Variants in MACROD2 observed in about 807,000 individuals in gnomAD.
MACROD2 encodes the protein mono-ADP ribosylhydrolase 2.
A neutral mutation model predicts 70.4 loss-of-function variants in MACROD2; 36 were observed. The observed-to-expected ratio is 0.51, with a 90% CI of 0.39 to 0.68. MACROD2 has a LOEUF of 0.68. MACROD2 is among the 30% of genes least tolerant of loss of function. The probability of loss-of-function intolerance (pLI) is 0.00; values close to 1 mark genes in which losing one functional copy is unlikely to be tolerated. For synonymous variants in MACROD2, 172 were observed against 178.8 expected, an observed-to-expected ratio of 0.96 and a Z score of 0.30; for missense variants, 496 against 538.4, an observed-to-expected ratio of 0.92 and a Z score of 0.78.
chr20:14,270,426 C>G (rs2082182099), intron 3 of MACROD2, among the ~76,000 whole-genome samples: 1 of 152,030 alleles, frequency 6.6e-6, no homozygotes, highest in Non-Finnish European at 1.5e-5. Flanking sequence ...CCTGTCTCTA[C>G]TAAAACACAA....
At chr20:14,736,037 A>G (rs536573720) in intron 5 of MACROD2, among the ~76,000 whole-genome samples, 1 of 152,308 alleles carries the variant, frequency 6.6e-6, no homozygotes, top group South Asian at 2.1e-4. Context: ...TGTTTATAGC[A>G]GCAATATTCA....
intron 4 of MACROD2, among the ~76,000 whole-genome samples, chr20:14,505,713 T>C (rs950590877): frequency 6.6e-6 from 1 of 152,160 alleles, no homozygotes; most frequent in Non-Finnish European, 1.5e-5. Flanking sequence ...TTCTAACAAG[T>C]TCCGTTTTAA....
At chr20:15,138,389 C>T (rs950017749) in intron 5 of MACROD2, among the ~76,000 whole-genome samples, 2 of 152,076 alleles carry the variant, frequency 1.3e-5, no homozygotes, top group African/African-American at 4.8e-5. Context: ...AGAATTTATG[C>T]ATGTGAAATG....
At chr20:15,292,328 C>T (rs980833046) in intron 6 of MACROD2, among the ~76,000 whole-genome samples, 19 of 152,170 alleles carry the variant, frequency 1.2e-4, no homozygotes, top group Non-Finnish European at 2.1e-4. Flanking sequence ...GCCACTCATG[C>T]AGTTACTGTG....
intron 5 of MACROD2, among the ~76,000 whole-genome samples, chr20:14,768,580 A>G (rs2072122574): frequency 6.6e-6 from 1 of 151,796 alleles, no homozygotes; most frequent in South Asian, 2.1e-4. Context: ...CAGCCTTCCA[A>G]AGCACTGGGA....
At chr20:14,858,935 AT>A (rs1488534329) in intron 5 of MACROD2, among the ~76,000 whole-genome samples, 1 of 152,144 alleles carries the variant, frequency 6.6e-6, no homozygotes, top group Non-Finnish European at 1.5e-5. Flanking sequence ...TGAAGTACTA[AT>A]TTAAAGAAAT....
chr20:15,546,136 T>G lies in MACROD2; in HGVS notation c.645+46289T>G, dbSNP rs150238744. Among the ~76,000 whole-genome samples, 582 of 152,206 alleles carry G rather than the reference T, an allele frequency of 3.8e-3. 2 individuals are homozygous for G. Among genetic ancestry groups the G allele is most frequent in the African/African-American group, 0.013 (554 of 41,514 alleles). On this transcript the variant is annotated intron_variant, in intron 8 of 17. Coordinates refer to ENST00000684519, the MANE Select transcript of MACROD2 (RefSeq NM_001351661.2). ...GATGCATGCCTGCAATCTCAGCTAC[T>G]TGGGAGGCTGAGGCAGGAGAATTGC... is the stretch of plus-strand genomic sequence containing the variant.
At chr20:15,126,415 A>C (rs2076067492) in intron 5 of MACROD2, among the ~76,000 whole-genome samples, 1 of 152,038 alleles carries the variant, frequency 6.6e-6, no homozygotes, top group East Asian at 1.9e-4. Flanking sequence ...TTTATTCTTT[A>C]GTTTAGAAAG....
At chr20:14,153,288 T>C (rs1213475198) in intron 3 of MACROD2, among the ~76,000 whole-genome samples, 5 of 152,152 alleles carry the variant, frequency 3.3e-5, no homozygotes, top group African/African-American at 1.2e-4. Flanking sequence ...GGCAGGAGTA[T>C]ATATAGAGAA....
chr20:14,887,274 C>T (rs1240462208), intron 5 of MACROD2, among the ~76,000 whole-genome samples: 1 of 152,034 alleles, frequency 6.6e-6, no homozygotes, highest in Non-Finnish European at 1.5e-5. Flanking sequence ...CTACACAAAT[C>T]AAGAGCGGTA....
At chr20:14,169,574 G>A (rs377131108) in intron 3 of MACROD2, among the ~76,000 whole-genome samples, 1 of 152,118 alleles carries the variant, frequency 6.6e-6, no homozygotes, top group South Asian at 2.1e-4. Context: ...AAAGTGCTGG[G>A]ATTACAGGTG....
chr20:14,355,939 G>A (rs145044664), intron 3 of MACROD2, among the ~76,000 whole-genome samples: 1 of 152,192 alleles, frequency 6.6e-6, no homozygotes, highest in African/African-American at 2.4e-5. Context: ...TGTCTTTCCC[G>A]ATAGAAAGAG....
intron 6 of MACROD2, among the ~76,000 whole-genome samples, chr20:15,281,835 C>T (rs2077447672): frequency 6.6e-6 from 1 of 152,224 alleles, no homozygotes; most frequent in Non-Finnish European, 1.5e-5. Flanking sequence ...TCTGGAGACT[C>T]TAACCCCACA....
intron 2 of MACROD2, among the ~76,000 whole-genome samples, chr20:14,060,699 T>C (rs779780547): frequency 3.3e-5 from 5 of 152,162 alleles, no homozygotes; most frequent in Non-Finnish European, 7.4e-5. Context: ...GCTATTATGT[T>C]ATTTCTCTTG....
chr20:15,931,666 A>T (rs561072972), intron 10 of MACROD2, among the ~76,000 whole-genome samples: 2 of 152,138 alleles, frequency 1.3e-5, no homozygotes, highest in African/African-American at 2.4e-5. Flanking sequence ...AAAAGTAGTT[A>T]TATTGTGTCC....
chr20:15,000,502 A>C (rs531630617), intron 5 of MACROD2, among the ~76,000 whole-genome samples: 1 of 144,770 alleles, frequency 6.9e-6, no homozygotes, highest in South Asian at 2.1e-4. Flanking sequence ...GGGCGCCTGT[A>C]GTCCCAGCTA....
At chr20:15,954,796 A>G (rs1418863470) in intron 12 of MACROD2, among the ~76,000 whole-genome samples, 2 of 152,232 alleles carry the variant, frequency 1.3e-5, no homozygotes, top group East Asian at 3.8e-4. Context: ...TAATATCAGC[A>G]GCTAATATTT....
intron 3 of MACROD2, among the ~76,000 whole-genome samples, chr20:14,413,335 A>C (rs2083770173): frequency 6.6e-6 from 1 of 151,100 alleles, no homozygotes; most frequent in African/African-American, 2.4e-5. Flanking sequence ...CCTTAAATAT[A>C]TTTCCCTGTA....
intron 5 of MACROD2, among the ~76,000 whole-genome samples, chr20:14,703,495 A>G (rs1882781025): frequency 2.0e-5 from 3 of 152,324 alleles, no homozygotes; most frequent in South Asian, 2.1e-4. Context: ...CTAGGCTGAG[A>G]GCCAAGAGAC....
Sources: gnomAD v4.1 joint callset for allele counts (sites outside exome capture counted in the v4.1 genomes callset) on GRCh38, gnomAD v4.1.1 for gene constraint, MANE v1.5 for transcripts, NCBI Gene and HGNC (gene_info 2026-07-23, HGNC 2026-07-21) for gene names.